NUB1: variants seen among roughly 807,000 people sequenced by gnomAD.
NUB1 encodes the protein negative regulator of ubiquitin like proteins 1.
A neutral mutation model predicts 77.1 loss-of-function variants in NUB1; 41 were observed. That is an observed-to-expected ratio of 0.53 (90% confidence interval 0.41 to 0.69). The LOEUF (loss-of-function observed/expected upper bound fraction) is 0.69. Ranked by LOEUF, NUB1 falls within the 30% of genes least tolerant of loss-of-function variation. The pLI is 0.00. For synonymous variants in NUB1, 257 were observed against 281.0 expected (o/e 0.91, Z 0.85); for missense variants, 643 against 743.8 (o/e 0.86, Z 1.58).
At chr7:151,357,994 T>C (rs1472544583) in intron 7 of NUB1, among the ~76,000 whole-genome samples, 1 of 151,920 alleles carries the variant, frequency 6.6e-6, no homozygotes, top group Non-Finnish European at 1.5e-5. Flanking sequence ...TGTGTGTGTG[T>C]GAGGCGGAGT....
intron 10 of NUB1, among the ~76,000 whole-genome samples, chr7:151,368,534 G>T (rs1563026600): frequency 6.6e-6 from 1 of 152,228 alleles, no homozygotes. Context: ...GTTGTGCTGT[G>T]GCTAAGTTAT....
At position 151,377,206 on chromosome 7, in the gene NUB1, C is replaced by A; in HGVS notation, c.1829C>A (p.Ser610Ter). 1 of 1,551,622 alleles carries A rather than the reference C, an allele frequency of 6.4e-7. No individual in the cohort carries two copies. Among genetic ancestry groups the A allele is most frequent in the Non-Finnish European group, 8.7e-7 (1 of 1,150,504 alleles). ...EYLSYVENRK[S>*]ATKKN ...CTATCCTATGTAGAAAATAGGAAGTCAGCAACAAAGAAAAACTAAATAATG... is the reference window on the plus strand; with the variant it reads ...CTATCCTATGTAGAAAATAGGAAGTAAGCAACAAAGAAAAACTAAATAATG... The change falls in exon 15 of 15, where the codon TCA becomes TAA. Residue 610 changes from serine (S) to a stop codon, truncating the protein, a stop_gained. Transcript: ENST00000568733. LOFTEE classifies it high-confidence loss of function.
At chr7:151,357,631 A>G (rs1005138713) in intron 7 of NUB1, among the ~76,000 whole-genome samples, 1 of 150,932 alleles carries the variant, frequency 6.6e-6, no homozygotes, top group African/African-American at 2.4e-5. Flanking sequence ...TTTTCTTGAA[A>G]AGGAGTCTTA....
chr7:151,364,658 G>A (rs1029261230), intron 8 of NUB1, among the ~76,000 whole-genome samples: 2 of 151,872 alleles, frequency 1.3e-5, no homozygotes, highest in Non-Finnish European at 2.9e-5. Context: ...CCGAGTAGCT[G>A]GGATTACAGG....
chr7:151,369,724 A>G (rs926915589), intron 11 of NUB1, among the ~76,000 whole-genome samples: 1 of 152,202 alleles, frequency 6.6e-6, no homozygotes, highest in Admixed American at 6.5e-5. Context: ...TTGCCAAAAC[A>G]AGAAGTTGGT....
intron 7 of NUB1, among the ~76,000 whole-genome samples, chr7:151,359,513 T>C (rs1220421132): frequency 1.3e-5 from 2 of 151,670 alleles, no homozygotes; most frequent in African/African-American, 4.8e-5. Context: ...GCACCGTGGC[T>C]CACGCCTGTA....
rs1796456625 is a variant in NUB1, at chr7:151,345,413, C to A, written c.64C>A (p.Leu22Ile). 9 of 1,612,598 alleles carry A rather than the reference C, an allele frequency of 5.6e-6. No homozygotes were observed. The highest frequency in any genetic ancestry group is 7.6e-6 in the Non-Finnish European group (9 of 1,179,260). ...TQFLREDRIQ[L>I]WKPPYTDENK... Reference sequence around the variant, plus strand: ...GTTTTTAAGGGAAGACAGGATTCAACTTTGGAAACCTCCATATACAGATGA... The same window carrying A: ...GTTTTTAAGGGAAGACAGGATTCAAATTTGGAAACCTCCATATACAGATGA... The change falls in exon 2 of 15, where the codon CTT becomes ATT. Residue 22 changes from leucine to isoleucine, a missense_variant. By Grantham distance (5) the Leu-to-Ile change is conservative. Transcript: ENST00000568733.
At chr7:151,365,378 T>C (rs1584960448) in intron 8 of NUB1, among the ~76,000 whole-genome samples, 1 of 151,628 alleles carries the variant, frequency 6.6e-6, no homozygotes, top group Admixed American at 6.6e-5. Context: ...TTGAGATAAG[T>C]GCATATTGAT....
intron 8 of NUB1, 129 bp downstream of exon 8, chr7:151,360,376 T>C (rs1563020340): frequency 2.0e-6 from 1 of 501,390 alleles, no homozygotes; most frequent in Non-Finnish European, 3.6e-6. Flanking sequence ...AGAGTAGTTA[T>C]GGTGTAAACT....
intron 2 of NUB1, among the ~76,000 whole-genome samples, chr7:151,345,924 G>A (rs1455450824): frequency 6.6e-6 from 1 of 152,140 alleles, no homozygotes; most frequent in Non-Finnish European, 1.5e-5. Flanking sequence ...TTTTCTAACA[G>A]TTGTATCTCA....
chr7:151,364,404 G>C (rs1255097020), intron 8 of NUB1, among the ~76,000 whole-genome samples: 2 of 144,296 alleles, frequency 1.4e-5, no homozygotes, highest in East Asian at 4.4e-4. Context: ...CTGGAGGAGA[G>C]AGCGAGACTC....
At chr7:151,366,619 G>C (rs1222496623) in intron 8 of NUB1, among the ~76,000 whole-genome samples, 1 of 152,208 alleles carries the variant, frequency 6.6e-6, no homozygotes, top group Non-Finnish European at 1.5e-5. Flanking sequence ...GGTCTTCCCC[G>C]TATTTGCTGA....
intron 11 of NUB1, among the ~76,000 whole-genome samples, chr7:151,371,295 CAGGGTT>C (rs370184507): frequency 6.6e-5 from 10 of 152,242 alleles, no homozygotes; most frequent in African/African-American, 2.4e-4. Context: ...GGATAGGTCT[CAGGGTT>C]AGGTGATTCA....
chr7:151,365,244 T>C (rs1477086536), intron 8 of NUB1, among the ~76,000 whole-genome samples: 2 of 152,028 alleles, frequency 1.3e-5, no homozygotes, highest in Non-Finnish European at 2.9e-5. Flanking sequence ...AAGGATGACA[T>C]GTACCCCTCT....
chr7:151,351,353 T>A, intron 3 of NUB1, 71 bp from the exon 4 acceptor site: 1 of 1,166,794 alleles, frequency 8.6e-7, no homozygotes. Flanking sequence ...TCAGCTTTTC[T>A]GATTTCACAG....
At chr7:151,345,288 A>C in intron 1 of NUB1, 60 bp from the exon 2 acceptor site, 1 of 1,036,750 alleles carries the variant, frequency 9.6e-7, no homozygotes, top group Non-Finnish European at 1.5e-6. Flanking sequence ...ACATGTAGGT[A>C]AGTTATTAAC....
At chr7:151,363,408 G>C (rs1797479352) in intron 8 of NUB1, among the ~76,000 whole-genome samples, 1 of 150,782 alleles carries the variant, frequency 6.6e-6, no homozygotes, top group African/African-American at 2.5e-5. Flanking sequence ...TTAGTTAAAT[G>C]TTACATAAGG....
chr7:151,376,843 G>A (rs751381088), intron 14 of NUB1, 32 bp downstream of exon 14: 1 of 1,546,466 alleles, frequency 6.5e-7, no homozygotes, highest in African/African-American at 1.4e-5. Context: ...GCCGCATTGA[G>A]AGCAAAGTGT....
In NUB1 at chr7:151,377,343, G is replaced by C. The variant is rs1584982306; in HGVS notation, c.*118G>C. On this transcript the variant is annotated 3_prime_UTR_variant, in exon 15 of 15. Transcript: ENST00000568733. ...AATTACAAGTCCTCTTTGGGTGTAG[G>C]AGGGGGTGGGCAGGGGACAAGTCCA... is the stretch of plus-strand genomic sequence containing the variant. The C allele has an allele frequency of 1.5e-6, 1 of 685,454 alleles. No individual in the cohort carries two copies. Among genetic ancestry groups the C allele is most frequent in the East Asian group, 3.2e-5 (1 of 31,700 alleles). 42.5% of individuals were successfully genotyped at this position (685,454 alleles called of 1,614,324 possible).
Sources: gnomAD v4.1 joint callset for allele counts (sites outside exome capture counted in the v4.1 genomes callset) on GRCh38, gnomAD v4.1.1 for gene constraint, MANE v1.5 for transcripts, NCBI Gene and HGNC (gene_info 2026-07-23, HGNC 2026-07-21) for gene names.